Variants in TCF3 observed in about 807,000 individuals in gnomAD.
The protein encoded by TCF3 is transcription factor E2-alpha.
In TCF3, 54 loss-of-function variants were observed where a neutral mutation model predicts 72.3. The ratio of observed to expected loss-of-function variants is 0.75; its 90% confidence interval spans 0.60 to 0.94. TCF3 has a LOEUF of 0.94. Ranked by LOEUF, TCF3 falls within the 40% of genes least tolerant of loss-of-function variation. The pLI is 0.00. For missense variants in TCF3, 1,078 were observed against 934.4 expected (o/e 1.15, Z -2.00); for synonymous variants, 525 against 412.6 (o/e 1.27, Z -3.30).
chr19:1,623,254 C>T (rs1014583570), intron 8 of TCF3, among the ~76,000 whole-genome samples: 28 of 152,070 alleles, frequency 1.8e-4, no homozygotes, highest in African/African-American at 4.1e-4. Flanking sequence ...CTCCCTCCAG[C>T]GAGATGAGAC....
chr19:1,619,920 G>C (rs1341876157), intron 13 of TCF3, 67 bp from the exon 14 acceptor site: 2 of 1,365,824 alleles, frequency 1.5e-6, no homozygotes, highest in African/African-American at 1.4e-5. Context: ...GATGCCCATG[G>C]GGAGGGATTC....
At position 1,625,578 on chromosome 19, in the gene TCF3, A is replaced by T. The variant is rs1175540746; in HGVS notation, c.497T>A (p.Leu166Gln). 1 of 1,582,884 alleles carries T rather than the reference A, an allele frequency of 6.3e-7. No individual in the cohort carries two copies. Among genetic ancestry groups the T allele is most frequent in the Non-Finnish European group, 8.6e-7 (1 of 1,167,674 alleles). Residue 166 changes from leucine to glutamine, a missense_variant and splice_region_variant, in exon 7 of 19, where the codon CTA (leucine) becomes CAA (glutamine). By Grantham distance (113) the Leu-to-Gln change is moderately radical. Transcript: ENST00000262965. ...SSRRRAADGSLDTQPKKVRKV... is the reference protein window; with the variant it reads ...SSRRRAADGSQDTQPKKVRKV... ...TGCCCCGGCCAGACCCCGCTCACCTAGGCTGCCGTCTGCCGCTCTCCGCCG... is the reference window on the plus strand; with the variant it reads ...TGCCCCGGCCAGACCCCGCTCACCTTGGCTGCCGTCTGCCGCTCTCCGCCG...
At position 1,632,193 on chromosome 19, in the gene TCF3, G is replaced by A. The variant is rs2063796415; in HGVS notation, c.220-77C>T. ...CTCCACCCCGCATTACAGCTGGAGA[G>A]GCAGGACTCAAACCCATGTCCCCCA... is the stretch of plus-strand genomic sequence containing the variant. On this transcript the variant is annotated intron_variant, in intron 4 of 18. Transcript: ENST00000262965. 4 of 1,564,216 alleles carry A rather than the reference G, an allele frequency of 2.6e-6. No individual in the cohort carries two copies. The East Asian group carries it at 7.2e-5, about 28-fold the overall frequency.
chr19:1,612,581 C>A (rs961675714), intron 18 of TCF3: 1 of 726,604 alleles, frequency 1.4e-6, no homozygotes, highest in Non-Finnish European at 2.3e-6. Context: ...GTGGGCACAG[C>A]AGTGTGGGCA....
intron 2 of TCF3, among the ~76,000 whole-genome samples, chr19:1,647,613 C>T (rs1485628146): frequency 2.0e-5 from 3 of 152,330 alleles, no homozygotes; most frequent in East Asian, 1.9e-4. Context: ...CACCCCCTCC[C>T]GCAGGCTCCG....
intron 3 of TCF3, among the ~76,000 whole-genome samples, chr19:1,644,246 G>A (rs1278691415): frequency 3.3e-5 from 5 of 152,242 alleles, no homozygotes; most frequent in Admixed American, 1.3e-4. Flanking sequence ...GGAGCTTCGG[G>A]AGGGCCACAC....
In TCF3 at chr19:1,609,821, G is replaced by A. The variant is rs1032667228; in HGVS notation, c.*1886C>T. 3.5e-5 allele frequency: 8 copies of A among 231,818 alleles called. No individual in the cohort carries two copies. The East Asian group carries it at 4.9e-4, about 14-fold the overall frequency. 14.4% of individuals were successfully genotyped at this position (231,818 alleles called of 1,614,324 possible). Reference sequence around the variant, plus strand: ...GGCTCCCAAGCCAGTCTGGGGAGGGGAGTCAGGCAGTCCAGGATCTCCTGG... The same window carrying A: ...GGCTCCCAAGCCAGTCTGGGGAGGGAAGTCAGGCAGTCCAGGATCTCCTGG... On this transcript the variant is annotated 3_prime_UTR_variant, in exon 19 of 19. Transcript: ENST00000262965.
At position 1,623,968 on chromosome 19, in the gene TCF3, G is replaced by A; in HGVS notation, c.532C>T (p.Pro178Ser). The A allele has an allele frequency of 6.2e-7, 1 of 1,613,566 alleles. No individual in the cohort carries two copies. The highest frequency in any genetic ancestry group is 8.5e-7 in the Non-Finnish European group (1 of 1,179,986). Reference protein sequence around the residue: ...TQPKKVRKVPPGLPSSVYPPS... With the variant: ...TQPKKVRKVPSGLPSSVYPPS... ...CGACTCACCGAGGATGGAAGACCCG[G>A]CGGGACCTTCCGGACCTTCTTGGGC... The change falls in exon 8 of 19, where the codon CCG becomes TCG. Residue 178 changes from proline to serine, a missense_variant. Transcript: ENST00000262965.
chr19:1,617,190 A>G (rs947249900), intron 16 of TCF3, among the ~76,000 whole-genome samples: 1 of 152,230 alleles, frequency 6.6e-6, no homozygotes, highest in Non-Finnish European at 1.5e-5. Flanking sequence ...ATAATTCATC[A>G]GCCTTTCCTC....
intron 8 of TCF3, among the ~76,000 whole-genome samples, chr19:1,623,228 A>AT (rs1317743981): frequency 6.6e-6 from 1 of 152,006 alleles, no homozygotes; most frequent in African/African-American, 2.4e-5. Context: ...TGAGCCAGGG[A>AT]ATCGGCAAAT....
chr19:1,635,182 C>A (rs1008717646), intron 3 of TCF3, among the ~76,000 whole-genome samples: 6 of 152,210 alleles, frequency 3.9e-5, no homozygotes, highest in South Asian at 4.1e-4. Context: ...GGGACTTCAT[C>A]CTATAGCCCC....
intron 18 of TCF3, among the ~76,000 whole-genome samples, chr19:1,612,838 T>C (rs930938087): frequency 2.0e-5 from 3 of 146,404 alleles, no homozygotes; most frequent in African/African-American, 7.7e-5. Context: ...GGCACTGCAG[T>C]GCAGGTACAC....
At chr19:1,644,699 C>G (rs1043322833) in intron 3 of TCF3, among the ~76,000 whole-genome samples, 2 of 152,056 alleles carry the variant, frequency 1.3e-5, no homozygotes, top group Admixed American at 6.5e-5. Flanking sequence ...CAGGTCCACA[C>G]GGCCTACACA....
At chr19:1,613,461 C>A (rs1284663846) in intron 18 of TCF3, among the ~76,000 whole-genome samples, 1 of 152,140 alleles carries the variant, frequency 6.6e-6, no homozygotes, top group African/African-American at 2.4e-5. Context: ...CAGGGCAGGG[C>A]TGGGGGCAGG....
At chr19:1,621,763 C>A (rs944726031) in intron 11 of TCF3, 75 bp downstream of exon 11, 6 of 1,461,952 alleles carry the variant, frequency 4.1e-6, no homozygotes, top group Non-Finnish European at 5.4e-6. Context: ...GTGGAGTCCT[C>A]GCCACCCCCC....
intron 18 of TCF3, chr19:1,612,192 G>A: frequency 6.4e-7 from 1 of 1,563,864 alleles, no homozygotes; most frequent in Non-Finnish European, 8.7e-7. Context: ...GGGCAGCCCT[G>A]GCCGGGGAGC....
At chr19:1,612,415 C>G in intron 18 of TCF3, 1 of 1,613,406 alleles carries the variant, frequency 6.2e-7, no homozygotes, top group Non-Finnish European at 8.5e-7. Context: ...CCTCCAGGGA[C>G]AGCACCTCGT....
At chr19:1,646,478 C>T (rs2066116074) in intron 2 of TCF3, 51 bp from the exon 3 acceptor site, 3 of 1,516,314 alleles carry the variant, frequency 2.0e-6, no homozygotes, top group African/African-American at 2.8e-5. Flanking sequence ...AAACCAAACC[C>T]TACAGTCCCG....
chr19:1,625,241 T>A (rs1032105570), intron 7 of TCF3, among the ~76,000 whole-genome samples: 1 of 152,168 alleles, frequency 6.6e-6, no homozygotes, highest in Non-Finnish European at 1.5e-5. Flanking sequence ...GATGCCCGCG[T>A]GTGCAGCAGG....
Sources: gnomAD v4.1 joint callset for allele counts (sites outside exome capture counted in the v4.1 genomes callset) on GRCh38, gnomAD v4.1.1 for gene constraint, MANE v1.5 for transcripts, NCBI Gene and HGNC (gene_info 2026-07-23, HGNC 2026-07-21) for gene names.